RGS7: variants seen among roughly 807,000 people sequenced by gnomAD.
RGS7 encodes regulator of G-protein signaling 7.
In RGS7, 27 loss-of-function variants were observed where a neutral mutation model predicts 81.1. The observed-to-expected ratio is 0.33, with a 90% CI of 0.25 to 0.46. The LOEUF (loss-of-function observed/expected upper bound fraction) is 0.46, where lower values mean the gene tolerates loss of function less well. RGS7 is among the 20% of genes least tolerant of loss of function. The pLI, the probability that RGS7 is intolerant of heterozygous loss-of-function variation, is 1.00. For missense variants in RGS7, 396 were observed against 607.4 expected (o/e 0.65, Z 3.66); for synonymous variants, 208 against 207.7 (o/e 1.00, Z -0.01).
In RGS7 at chr1:241,279,746, C is replaced by T. The variant is rs2078402388; in HGVS notation, c.78+75953G>A. On this transcript the variant is annotated intron_variant, in intron 2 of 18. Coordinates refer to ENST00000440928, the MANE Select transcript of RGS7 (RefSeq NM_001364886.1). ...TCCCCTACATCAGTCCTAAAAACCA[C>T]TAATCTGCTTTCTGTTTCTATAATT... is the stretch of plus-strand genomic sequence containing the variant. Among the ~76,000 whole-genome samples the T allele has an allele frequency of 3.3e-5, 5 of 152,334 alleles. No homozygotes were observed. In the South Asian group the frequency reaches 1.0e-3, roughly 32 times the overall value.
Position 241,294,618 on chromosome 1 carries a change from C to T in RGS7, c.78+61081G>A, listed in dbSNP as rs147969400. Among the ~76,000 whole-genome samples the T allele has an allele frequency of 6.0e-3, 907 of 152,328 alleles. 10 individuals are homozygous for T. The highest frequency in any genetic ancestry group is 0.021 in the African/African-American group (859 of 41,572). ...CCTAGACCTTCACATTCACTCACTA[C>T]TCACTCACTGACTCACCCAGAGCAA... On this transcript the variant is annotated intron_variant, in intron 2 of 18. Coordinates refer to ENST00000440928, the MANE Select transcript of RGS7 (RefSeq NM_001364886.1).
Position 241,143,827 on chromosome 1 carries a change from T to C in RGS7, c.79-45065A>G, listed in dbSNP as rs2068101540. On this transcript the variant is annotated intron_variant, in intron 2 of 18. Transcript: ENST00000440928. The stretch of plus-strand genomic sequence containing the variant: ...GGGGCTTCAAGAGTTGATTAGATCA[T>C]GAGGGCAAAGCCTCATGAATGAGAT... 2.6e-5 allele frequency among the ~76,000 whole-genome samples: 4 copies of C among 152,308 alleles called. No individual in the cohort carries two copies. The South Asian group carries it at 8.3e-4, about 32-fold the overall frequency.
intron 2 of RGS7, among the ~76,000 whole-genome samples, chr1:241,302,429 G>A (rs2079826885): frequency 6.6e-6 from 1 of 152,066 alleles, no homozygotes; most frequent in South Asian, 2.1e-4. Context: ...GGCGCCTGTA[G>A]TCCCAGCTAC....
At chr1:241,133,953 A>G (rs2067302594) in intron 2 of RGS7, among the ~76,000 whole-genome samples, 1 of 152,140 alleles carries the variant, frequency 6.6e-6, no homozygotes, top group Non-Finnish European at 1.5e-5. Context: ...AAAGAGAGAG[A>G]GAAAGGGAGA....
intron 2 of RGS7, among the ~76,000 whole-genome samples, chr1:241,145,284 G>A (rs1368775948): frequency 6.6e-6 from 1 of 152,104 alleles, no homozygotes; most frequent in African/African-American, 2.4e-5. Flanking sequence ...CCAAAGTGCT[G>A]AGATTACAGA....
intron 3 of RGS7, among the ~76,000 whole-genome samples, chr1:241,058,838 G>A (rs1189102830): frequency 1.3e-5 from 2 of 152,156 alleles, no homozygotes; most frequent in South Asian, 2.1e-4. Context: ...GGTCCTTTCT[G>A]AGAGTGTGTG....
At chr1:240,926,615 C>G (rs769564867) in intron 6 of RGS7, among the ~76,000 whole-genome samples, 11 of 152,196 alleles carry the variant, frequency 7.2e-5, no homozygotes, top group Non-Finnish European at 1.6e-4. Context: ...TTTGCTACAA[C>G]TGACACTGTC....
intron 2 of RGS7, among the ~76,000 whole-genome samples, chr1:241,171,089 A>G (rs1243191996): frequency 2.6e-5 from 4 of 152,224 alleles, no homozygotes; most frequent in African/African-American, 9.6e-5. Flanking sequence ...ATGAGTCATT[A>G]AAGTAAGGTT....
intron 3 of RGS7, among the ~76,000 whole-genome samples, chr1:241,018,393 C>T (rs138788692): frequency 6.5e-4 from 99 of 152,068 alleles, no homozygotes; most frequent in Middle Eastern, 3.4e-3. Flanking sequence ...GGTAAATATA[C>T]CTTTAGTATG....
At chr1:240,891,050 A>C (rs1668212349) in intron 6 of RGS7, among the ~76,000 whole-genome samples, 1 of 152,244 alleles carries the variant, frequency 6.6e-6, no homozygotes, top group Non-Finnish European at 1.5e-5. Flanking sequence ...GATTATAGTG[A>C]GACAAAACTT....
intron 2 of RGS7, among the ~76,000 whole-genome samples, chr1:241,192,354 T>G (rs1254772521): frequency 6.6e-6 from 1 of 152,058 alleles, no homozygotes; most frequent in East Asian, 1.9e-4. Flanking sequence ...ATTTCCAGGA[T>G]TCTAGTTCTT....
chr1:241,254,613 G>A (rs780256255), intron 2 of RGS7, among the ~76,000 whole-genome samples: 14 of 152,066 alleles, frequency 9.2e-5, no homozygotes, highest in Admixed American at 4.6e-4. Context: ...ACATCACCTC[G>A]GGGATAACGG....
intron 4 of RGS7, among the ~76,000 whole-genome samples, chr1:240,948,644 T>C (rs978059798): frequency 2.0e-5 from 3 of 151,950 alleles, no homozygotes; most frequent in Admixed American, 6.6e-5. Flanking sequence ...GGTTTCACCA[T>C]GTTGGCCAGG....
intron 2 of RGS7, among the ~76,000 whole-genome samples, chr1:241,298,246 G>A (rs1424863253): frequency 6.6e-6 from 1 of 152,126 alleles, no homozygotes; most frequent in Non-Finnish European, 1.5e-5. Flanking sequence ...TTTAAAAAAT[G>A]AATCCCTTGA....
chr1:241,132,741 A>ATTTGTTTGTTTG (rs751782828), intron 2 of RGS7, among the ~76,000 whole-genome samples: 36 of 151,104 alleles, frequency 2.4e-4, no homozygotes, highest in African/African-American at 5.1e-4. Flanking sequence ...TCAACTTATT[A>ATTTGTTTGTTTG]TTTGTTTGTT....
At chr1:240,847,195 T>C (rs1659254749) in intron 9 of RGS7, among the ~76,000 whole-genome samples, 1 of 152,192 alleles carries the variant, frequency 6.6e-6, no homozygotes, top group African/African-American at 2.4e-5. Context: ...CACCTCCTCA[T>C]CTCCTTTTAA....
chr1:240,842,047 G>A (rs1196455319), intron 9 of RGS7, among the ~76,000 whole-genome samples: 1 of 151,926 alleles, frequency 6.6e-6, no homozygotes, highest in African/African-American at 2.4e-5. Flanking sequence ...CGTAAAAGGG[G>A]TCAGCACAGT....
chr1:240,935,523 C>T (rs1394373132), intron 5 of RGS7, among the ~76,000 whole-genome samples: 1 of 152,156 alleles, frequency 6.6e-6, no homozygotes, highest in African/African-American at 2.4e-5. Flanking sequence ...TTTCAGGATA[C>T]AGCTTTATTT....
At chr1:240,937,097 C>G (rs890350578) in intron 4 of RGS7, among the ~76,000 whole-genome samples, 1 of 152,196 alleles carries the variant, frequency 6.6e-6, no homozygotes, top group Non-Finnish European at 1.5e-5. Flanking sequence ...ACAGCCTCTC[C>G]CTTCCCACCT....
Sources: gnomAD v4.1 joint callset for allele counts (sites outside exome capture counted in the v4.1 genomes callset) on GRCh38, gnomAD v4.1.1 for gene constraint, MANE v1.5 for transcripts, NCBI Gene and HGNC (gene_info 2026-07-23, HGNC 2026-07-21) for gene names.